Variants in FOXP1 observed in about 807,000 individuals in gnomAD.
The protein encoded by FOXP1 is forkhead box protein P1.
Under a neutral mutation model 98.2 loss-of-function variants are expected in FOXP1, and 15 were observed. The ratio of observed to expected loss-of-function variants is 0.15; its 90% CI spans 0.10 to 0.24. FOXP1 has a LOEUF of 0.24. Among genes scored for constraint, FOXP1 ranks in the 10% least tolerant of loss-of-function variants. The probability of loss-of-function intolerance (pLI) is 1.00; values close to 1 mark genes in which losing one functional copy is unlikely to be tolerated. For missense variants in FOXP1, 633 were observed against 848.5 expected (o/e 0.75, Z 3.15); for synonymous variants, 371 against 314.5 (o/e 1.18, Z -1.90).
At chr3:70,966,266 A>G in intron 19 of FOXP1, 1 of 587,870 alleles carries the variant, frequency 1.7e-6, no homozygotes, top group Admixed American at 2.5e-5. Flanking sequence ...ACTGGGGGCC[A>G]GGGGGGACCA....
intron 19 of FOXP1, 198 bp downstream of exon 19, chr3:70,970,538 T>C (rs1259896182): frequency 1.4e-5 from 8 of 588,492 alleles, no homozygotes; most frequent in East Asian, 8.6e-5. Flanking sequence ...GCCACAATAT[T>C]CAAAATGCTA....
intron 3 of FOXP1, among the ~76,000 whole-genome samples, chr3:71,416,547 A>AAC (rs55710900): frequency 0.068 from 9,228 of 136,618 alleles, 478 homozygotes; most frequent in East Asian, 0.29. Context: ...TCTGTCTCAA[A>AAC]ACACACACAC....
intron 3 of FOXP1, among the ~76,000 whole-genome samples, chr3:71,491,010 T>G (rs1202557027): frequency 6.7e-6 from 1 of 149,906 alleles, no homozygotes; most frequent in Non-Finnish European, 1.5e-5. Context: ...AAGATATGAC[T>G]TTTTTTATTA....
At chr3:70,961,193 T>C (rs2033393641) in intron 20 of FOXP1, among the ~76,000 whole-genome samples, 2 of 152,022 alleles carry the variant, frequency 1.3e-5, no homozygotes, top group African/African-American at 4.8e-5. Flanking sequence ...CAAAGTTGCA[T>C]TACATTACAT....
Position 71,070,923 on chromosome 3 carries a change from C to G in FOXP1, c.283-17150G>C, listed in dbSNP as rs971791707. On this transcript the variant is annotated intron_variant, in intron 7 of 20. Transcript: ENST00000649528. The stretch of plus-strand genomic sequence containing the variant: ...CGAGTAAATGGTCTTATAAAGAACA[C>G]CCAATCCAGCCGACAATAAATCTTA... Among the ~76,000 whole-genome samples the G allele has an allele frequency of 6.6e-5, 10 of 152,296 alleles. No homozygotes were observed. In the East Asian group the frequency reaches 1.9e-3, roughly 29 times the overall value.
intron 3 of FOXP1, among the ~76,000 whole-genome samples, chr3:71,391,266 T>TA (rs1227702361): frequency 6.6e-6 from 1 of 152,360 alleles, no homozygotes; most frequent in Middle Eastern, 3.4e-3. Flanking sequence ...CTTACTGTCT[T>TA]AACCACCCAT....
At position 70,958,235 on chromosome 3, in the gene FOXP1, C is replaced by T. The variant is rs754515627; in HGVS notation, c.*1012G>A. ...GAAAAGAAAAGAAAAAAAGAAAATC[C>T]GAAACACCCCTCCCCCGAACCACCC... On this transcript the variant is annotated 3_prime_UTR_variant, in exon 21 of 21. Transcript: ENST00000649528. 34 of 476,110 alleles carry T rather than the reference C, an allele frequency of 7.1e-5. No homozygotes were observed. The highest frequency in any genetic ancestry group is 3.1e-4 in the Middle Eastern group (1 of 3,256). 29.5% of individuals were successfully genotyped at this position (476,110 alleles called of 1,614,324 possible).
chr3:71,397,045 T>TAC (rs2081522766), intron 3 of FOXP1, among the ~76,000 whole-genome samples: 1 of 96,004 alleles, frequency 1.0e-5, no homozygotes, highest in Non-Finnish European at 2.0e-5. Context: ...TGTATATATA[T>TAC]ATACACATAT....
intron 2 of FOXP1, among the ~76,000 whole-genome samples, chr3:71,558,152 C>T (rs1020676286): frequency 7.2e-5 from 11 of 152,214 alleles, no homozygotes; most frequent in African/African-American, 2.7e-4. Flanking sequence ...TCTTCCTTCC[C>T]TCCCCATGAC....
At chr3:71,246,030 C>A (rs1163203611) in intron 5 of FOXP1, among the ~76,000 whole-genome samples, 1 of 150,200 alleles carries the variant, frequency 6.7e-6, no homozygotes, top group African/African-American at 2.5e-5. Flanking sequence ...GTGAGTGAAA[C>A]ATCCCACTCA....
chr3:70,967,700 G>GTTGTTTTTTTTTTTTTT (rs2035202316), intron 19 of FOXP1, among the ~76,000 whole-genome samples: 1 of 63,628 alleles, frequency 1.6e-5, no homozygotes, highest in Admixed American at 2.0e-4. Flanking sequence ...TTTTTTTTTT[G>GTTGTTTTTTTTTTTTTT]TTTTTTTTTG....
chr3:70,983,298 C>A (rs2039191234), intron 14 of FOXP1, among the ~76,000 whole-genome samples: 1 of 152,078 alleles, frequency 6.6e-6, no homozygotes, highest in African/African-American at 2.4e-5. Flanking sequence ...GGGTGGGGCA[C>A]TTAATGAAAA....
chr3:71,490,837 G>C (rs2091010675), intron 3 of FOXP1, among the ~76,000 whole-genome samples: 2 of 152,120 alleles, frequency 1.3e-5, no homozygotes, highest in Admixed American at 1.3e-4. Context: ...GTAATAGTGA[G>C]ATTGAGTCAG....
chr3:71,498,563 A>G (rs1013657051), intron 2 of FOXP1, among the ~76,000 whole-genome samples: 1 of 152,188 alleles, frequency 6.6e-6, no homozygotes, highest in South Asian at 2.1e-4. Context: ...CAAGTATTCC[A>G]TTTCTATTGA....
intron 5 of FOXP1, among the ~76,000 whole-genome samples, chr3:71,220,752 C>CAAAATAAAATAAAATAAAATAAAAT (rs3033235): frequency 6.0e-4 from 80 of 132,792 alleles, no homozygotes; most frequent in African/African-American, 2.1e-3. Flanking sequence ...GACCCTGTCT[C>CAAAATAAAATAAAATAAAATAAAAT]AAAATAAAAT....
chr3:71,270,298 T>C (rs11918624), intron 5 of FOXP1, among the ~76,000 whole-genome samples: 34 of 152,320 alleles, frequency 2.2e-4, no homozygotes, highest in African/African-American at 7.9e-4. Flanking sequence ...ACTAGTGCTA[T>C]TAGCATTTCA....
intron 14 of FOXP1, among the ~76,000 whole-genome samples, chr3:70,982,538 T>G (rs1429987363): frequency 6.6e-6 from 1 of 152,214 alleles, no homozygotes; most frequent in African/African-American, 2.4e-5. Flanking sequence ...AAAGATAATC[T>G]CTTTGAAACT....
chr3:71,229,754 CG>C (rs1475570290), intron 5 of FOXP1, among the ~76,000 whole-genome samples: 1 of 152,028 alleles, frequency 6.6e-6, no homozygotes, highest in Non-Finnish European at 1.5e-5. Flanking sequence ...AAATAAACGC[CG>C]GAAGTTGGAT....
intron 6 of FOXP1, among the ~76,000 whole-genome samples, chr3:71,182,526 G>C (rs2062381951): frequency 6.8e-6 from 1 of 147,794 alleles, no homozygotes; most frequent in African/African-American, 2.5e-5. Flanking sequence ...GTGTGTGTGT[G>C]TGTGTGTATA....
Sources: allele counts gnomAD v4.1 joint callset (sites outside exome capture counted in the v4.1 genomes callset), GRCh38; gene constraint gnomAD v4.1.1; transcripts MANE v1.5; gene names NCBI Gene and HGNC (gene_info 2026-07-23, HGNC 2026-07-21).